The following ARIH1 variants were observed in gnomAD, a reference collection of about 807,000 sequenced individuals.
The protein encoded by ARIH1 is ariadne RBR E3 ubiquitin protein ligase 1.
A neutral mutation model predicts 85.0 loss-of-function variants in ARIH1; 8 were observed. The observed-to-expected ratio is 0.09, with a 90% CI of 0.06 to 0.17. The LOEUF is 0.17. Among genes scored for constraint, ARIH1 ranks in the 10% least tolerant of loss-of-function variants. The pLI is 1.00. For missense variants in ARIH1, 311 were observed against 718.1 expected, an observed-to-expected ratio of 0.43 and a Z score of 6.48; for synonymous variants, 238 against 253.6, an observed-to-expected ratio of 0.94 and a Z score of 0.59.
intron 1 of ARIH1, among the ~76,000 whole-genome samples, chr15:72,515,116 AC>A (rs1474443106): frequency 2.0e-5 from 3 of 152,198 alleles, no homozygotes; most frequent in African/African-American, 7.2e-5. Flanking sequence ...TGGGCAGATC[AC>A]CTGAGGTCGG....
Position 72,595,316 on chromosome 15 carries a change from A to C in ARIH1, c.*12024A>C, listed in dbSNP as rs985687958. 6.6e-6 allele frequency: 1 copy of C among 152,176 alleles called. No individual in the cohort carries two copies. Among genetic ancestry groups the C allele is most frequent in the Non-Finnish European group, 1.5e-5 (1 of 68,094 alleles). 9.4% of individuals were successfully genotyped at this position (152,176 alleles called of 1,614,324 possible). On this transcript the variant is annotated 3_prime_UTR_variant, in exon 14 of 14. Transcript: ENST00000379887. Reference sequence around the variant, plus strand: ...TGCCTCAGCCTCCTGAGTAGCTAGGAATACAGGTGCATGTCACCACACCAG... The same window carrying C: ...TGCCTCAGCCTCCTGAGTAGCTAGGCATACAGGTGCATGTCACCACACCAG...
chr15:72,547,117 C>T (rs940243293), intron 3 of ARIH1, among the ~76,000 whole-genome samples: 19 of 151,340 alleles, frequency 1.3e-4, no homozygotes, highest in African/African-American at 3.9e-4. Context: ...TTAGTAGAGA[C>T]GGGGTTTCAC....
chr15:72,580,732 G>A lies in ARIH1; in HGVS notation c.1217G>A (p.Arg406Gln), dbSNP rs762126728. The change falls in exon 12 of 14, where the codon CGA (arginine) becomes CAA (glutamine). Residue 406 changes from arginine to glutamine, a missense_variant and splice_region_variant. By Grantham distance (43) the Arg-to-Gln change is conservative. Around this residue, in one of 3 missense-constraint regions of ARIH1, gnomAD observed 50 missense variants for 311.7 expected, o/e 0.16. Transcript: ENST00000379887. Reference sequence around the variant, plus strand: ...ACCCAATTTTTCTTAATGGGACAGCGATCTAGGGCAGCCCTGCAGAGGTAC... The same window carrying A: ...ACCCAATTTTTCTTAATGGGACAGCAATCTAGGGCAGCCCTGCAGAGGTAC... Reference protein sequence around the residue: ...DAKAARDAQERSRAALQRYLF... With the variant: ...DAKAARDAQEQSRAALQRYLF... The A allele has an allele frequency of 1.2e-6, 2 of 1,609,198 alleles. No homozygotes were observed. The highest frequency in any genetic ancestry group is 1.7e-5 in the Admixed American group (1 of 59,652).
At chr15:72,530,210 T>C (rs1288124181) in intron 2 of ARIH1, among the ~76,000 whole-genome samples, 1 of 152,190 alleles carries the variant, frequency 6.6e-6, no homozygotes, top group Non-Finnish European at 1.5e-5. Flanking sequence ...TGAAACATGT[T>C]TGAAAAGTAA....
At chr15:72,490,410 G>A (rs780574221) in intron 1 of ARIH1, among the ~76,000 whole-genome samples, 1 of 152,110 alleles carries the variant, frequency 6.6e-6, no homozygotes, top group Non-Finnish European at 1.5e-5. Flanking sequence ...TGTCAGATTG[G>A]CAGCGGCATT....
At chr15:72,546,417 G>A (rs1472128576) in intron 3 of ARIH1, among the ~76,000 whole-genome samples, 1 of 152,186 alleles carries the variant, frequency 6.6e-6, no homozygotes, top group Non-Finnish European at 1.5e-5. Flanking sequence ...AAATTCTCAA[G>A]TTCTGATCGT....
At position 72,582,235 on chromosome 15, in the gene ARIH1, C is replaced by A; in HGVS notation, c.1589+48C>A. On this transcript the variant is annotated intron_variant, in intron 13 of 13. Coordinates refer to ENST00000379887, the MANE Select transcript of ARIH1 (RefSeq NM_005744.5). The surrounding 1 kb of genome is among the most constrained non-coding windows in gnomAD (Gnocchi z 4.6). ...AATAAAACTTTCTGCCAGTGATGAT[C>A]CTTACTGGTAAAGTTCAGTGATAGT... is the stretch of plus-strand genomic sequence containing the variant. 1 of 1,317,384 alleles carries A rather than the reference C, an allele frequency of 7.6e-7. No individual in the cohort carries two copies. The highest frequency in any genetic ancestry group is 1.1e-6 in the Non-Finnish European group (1 of 922,830). 81.6% of individuals were successfully genotyped at this position (1,317,384 alleles called of 1,614,324 possible).
rs1436994639 is a variant in ARIH1, at chr15:72,592,470, G to A, written c.*9178G>A. The stretch of plus-strand genomic sequence containing the variant: ...AAAATGCACACATCTTAAGTGTGAA[G>A]TTTGATGTTTTGACAGTTGTATACG... On this transcript the variant is annotated 3_prime_UTR_variant, in exon 14 of 14. Transcript: ENST00000379887. 1 of 152,210 alleles carries A rather than the reference G, an allele frequency of 6.6e-6. No individual in the cohort carries two copies. The highest frequency in any genetic ancestry group is 2.4e-5 in the African/African-American group (1 of 41,464). 9.4% of individuals were successfully genotyped at this position (152,210 alleles called of 1,614,324 possible). A position where few individuals can be genotyped will look rare whatever the true frequency, so the allele number is the denominator to read the frequency against.
At chr15:72,520,710 C>G (rs1279139381) in intron 2 of ARIH1, among the ~76,000 whole-genome samples, 1 of 152,140 alleles carries the variant, frequency 6.6e-6, no homozygotes, top group Non-Finnish European at 1.5e-5. Flanking sequence ...CTACTTACAA[C>G]TATATAAAAG....
rs2064306731 is a variant in ARIH1, at chr15:72,584,244, C to G, written c.*952C>G. On this transcript the variant is annotated 3_prime_UTR_variant, in exon 14 of 14. Coordinates refer to ENST00000379887, the MANE Select transcript of ARIH1 (RefSeq NM_005744.5). ...GTCAAGCTCTGACTAATGCCATGAC[C>G]TGATTAAGGGGTACAGCAGGGAGTT... The G allele has an allele frequency of 6.6e-6, 1 of 152,120 alleles. No individual in the cohort carries two copies. Among genetic ancestry groups the G allele is most frequent in the Non-Finnish European group, 1.5e-5 (1 of 68,032 alleles). The allele number at this position is 152,120 out of a possible 1,614,324, so 9.4% of individuals were successfully genotyped here.
At chr15:72,539,794 G>C (rs2064098451) in intron 2 of ARIH1, among the ~76,000 whole-genome samples, 1 of 152,098 alleles carries the variant, frequency 6.6e-6, no homozygotes, top group East Asian at 1.9e-4. Flanking sequence ...GTAACAACAG[G>C]TAACAAGAAA....
In ARIH1 at chr15:72,474,723, G is replaced by C. The variant is rs773605993; in HGVS notation, c.84G>C (p.Glu28Asp). Residue 28 changes from glutamate (E) to aspartate (D), a missense_variant, in exon 1 of 14, where the codon GAG becomes GAC. Glu to Asp is a conservative substitution (Grantham distance 45, BLOSUM62 2). Transcript: ENST00000379887. ...AGGACAGCGGCGCCGAGGAGGAGGA[G>C]GACGAAGACGACGACGAGCCGGACG... ...SEEDSGAEEE[E>D]DEDDDEPDDD... is the part of the protein sequence containing the mutation. The C allele has an allele frequency of 1.0e-4, 156 of 1,564,734 alleles. No individual in the cohort carries two copies. The East Asian group carries it at 3.6e-3, about 36-fold the overall frequency.
At chr15:72,569,970 G>A (rs2064236179) in intron 9 of ARIH1, among the ~76,000 whole-genome samples, 1 of 152,158 alleles carries the variant, frequency 6.6e-6, no homozygotes. Flanking sequence ...TTAAATTGTT[G>A]TATGTCTTAA....
At chr15:72,478,071 G>T (rs545344052) in intron 1 of ARIH1, among the ~76,000 whole-genome samples, 1 of 152,270 alleles carries the variant, frequency 6.6e-6, no homozygotes, top group East Asian at 1.9e-4. Flanking sequence ...CTCCCAAAGT[G>T]CTGGGATTAC....
chr15:72,570,044 A>G (rs1040824503), intron 9 of ARIH1, 133 bp from the exon 10 acceptor site: 9 of 962,170 alleles, frequency 9.4e-6, no homozygotes, highest in Non-Finnish European at 1.2e-5. Context: ...ACACTGTTCT[A>G]AGTGCTTTAT....
At chr15:72,483,576 C>T (rs1004192875) in intron 1 of ARIH1, among the ~76,000 whole-genome samples, 2 of 152,198 alleles carry the variant, frequency 1.3e-5, no homozygotes, top group Non-Finnish European at 2.9e-5. Flanking sequence ...AGGTAAATTA[C>T]AGCTATTGTA....
chr15:72,565,470 A>G (rs995914962), intron 7 of ARIH1, among the ~76,000 whole-genome samples: 20 of 152,112 alleles, frequency 1.3e-4, no homozygotes, highest in South Asian at 2.1e-4. Context: ...TTTTCCTCCA[A>G]ACATCTATAG....
intron 10 of ARIH1, among the ~76,000 whole-genome samples, chr15:72,571,269 G>A (rs571642098): frequency 6.6e-6 from 1 of 151,844 alleles, no homozygotes; most frequent in African/African-American, 2.4e-5. Context: ...GTGACCTTAA[G>A]TATGTTTCCC....
rs540702597 is a variant in ARIH1 at position 72,567,481 on chromosome 15, T to G, written c.1026+304T>G. On this transcript the variant is annotated intron_variant, in intron 9 of 13. Coordinates refer to ENST00000379887, the MANE Select transcript of ARIH1 (RefSeq NM_005744.5). ...AATTTTTCAAGTGTGGGATTTGTGC[T>G]TGGCTGCCATTTAGTATACAAATGC... Among the ~76,000 whole-genome samples, 3 of 152,368 alleles carry G rather than the reference T, an allele frequency of 2.0e-5. No individual in the cohort carries two copies. In the East Asian group the frequency reaches 5.8e-4, roughly 29 times the overall value.
Sources: gnomAD v4.1 joint callset for allele counts (sites outside exome capture counted in the v4.1 genomes callset) on GRCh38, gnomAD v4.1.1 for gene constraint, gnomAD v4.1.1 regional missense constraint, Gnocchi (gnomAD v3.1) non-coding constraint, MANE v1.5 for transcripts, NCBI Gene and HGNC (gene_info 2026-07-23, HGNC 2026-07-21) for gene names.